KLF18: variants seen among roughly 807,000 people sequenced by gnomAD.
The protein encoded by KLF18 is Kruppel-like factor 18.
At position 44,140,847 on chromosome 1, in the gene KLF18, C is replaced by G. The variant is rs1170151948; in HGVS notation, c.785G>C (p.Cys262Ser). The change falls in exon 1 of 2, where the codon TGT (cysteine) becomes TCT (serine). Residue 262 changes from cysteine (C) to serine (S), a missense_variant. Cys to Ser is a moderately radical substitution (Grantham distance 112). Transcript: ENST00000634670. ...MTTSTGNQTL[C>S]GEQMTTSTGN... ...AGTGGAGGTTGTCATCTGCTCTCCA[C>G]AGAGGGTCTGGTTACCAGTGGAGGT... The G allele has an allele frequency of 2.5e-6, 1 of 396,302 alleles. No homozygotes were observed. The allele number at this position is 396,302 out of a possible 1,614,324, so 24.5% of individuals were successfully genotyped here. A position where few individuals can be genotyped will look rare whatever the true frequency, so the allele number is the denominator to read the frequency against.
rs1001180867 is a variant in KLF18, at chr1:44,137,901, A to C, written c.3079T>G (p.Ser1027Ala). The C allele has an allele frequency of 7.5e-6, 3 of 398,468 alleles. No homozygotes were observed. Among genetic ancestry groups the C allele is most frequent in the Non-Finnish European group, 1.3e-5 (3 of 226,098 alleles). The allele number at this position is 398,468 out of a possible 1,614,324, so 24.7% of individuals were successfully genotyped here. Residue 1027 changes from serine (S) to alanine (A), a missense_variant, in exon 2 of 2, where the codon TCA (serine) becomes GCA (alanine). By Grantham distance (99) the Ser-to-Ala change is moderately conservative. Coordinates refer to ENST00000634670, the MANE Select transcript of KLF18 (RefSeq NM_001358438.1). ...CTTGCAAAATTCTTGCTGCATATTGAACACAGGTAGGGCCTTTCCCCAGTG... is the reference window on the plus strand; with the variant it reads ...CTTGCAAAATTCTTGCTGCATATTGCACACAGGTAGGGCCTTTCCCCAGTG... ...RHTGERPYLC[S>A]ICSKNFARSD...
At position 44,140,918 on chromosome 1, in the gene KLF18, C is replaced by T. The variant is rs1283362578; in HGVS notation, c.714G>A (p.Met238Ile). The change falls in exon 1 of 2, where the codon ATG (methionine) becomes ATA (isoleucine). Residue 238 changes from methionine to isoleucine, a missense_variant. Coordinates refer to ENST00000634670, the MANE Select transcript of KLF18 (RefSeq NM_001358438.1). Reference protein sequence around the residue: ...IDNQTLCGEQMTTSSGNQAFY... With the variant: ...IDNQTLCGEQITTSSGNQAFY... ...AGGCCTGGTTACCACTGGAGGTCGTCATCTGCTCCCCACAGAGGGTCTGGT... is the reference window on the plus strand; with the variant it reads ...AGGCCTGGTTACCACTGGAGGTCGTTATCTGCTCCCCACAGAGGGTCTGGT... 2.5e-6 allele frequency: 1 copy of T among 396,312 alleles called. No homozygotes were observed. The highest frequency in any genetic ancestry group is 4.4e-5 in the Admixed American group (1 of 22,626). The allele number at this position is 396,312 out of a possible 1,614,324, so 24.5% of individuals were successfully genotyped here.
chr1:44,139,892 G>C lies in KLF18; in HGVS notation c.1740C>G (p.Asn580Lys). The C allele has an allele frequency of 2.6e-6, 1 of 382,268 alleles. No homozygotes were observed. Among genetic ancestry groups the C allele is most frequent in the Non-Finnish European group, 4.6e-6 (1 of 215,788 alleles). 23.7% of individuals were successfully genotyped at this position (382,268 alleles called of 1,614,324 possible). A position where few individuals can be genotyped will look rare whatever the true frequency, so the allele number is the denominator to read the frequency against. The change falls in exon 1 of 2, where the codon AAC (asparagine) becomes AAG (lysine). Residue 580 changes from asparagine to lysine, a missense_variant. By Grantham distance (94) the Asn-to-Lys change is moderately conservative. Coordinates refer to ENST00000634670, the MANE Select transcript of KLF18 (RefSeq NM_001358438.1). ...TCATCTGCTCTCCACAGAGGGTCTG[G>C]TTACTAGTGGAGGTCGTGATCTGCC... ...YGGQITTSTSNQTLCGEQMTT... is the reference protein window; with the variant it reads ...YGGQITTSTSKQTLCGEQMTT...
rs945547230 is a variant in KLF18 at position 44,139,527 on chromosome 1, G to T, written c.2105C>A (p.Thr702Asn). The change falls in exon 1 of 2, where the codon ACC becomes AAC. Residue 702 changes from threonine (T) to asparagine (N), a missense_variant. Thr to Asn is a moderately conservative substitution (Grantham distance 65). Transcript: ENST00000634670. ...NQTLCGEQTT[T>N]STSNQTLCGE... is the part of the protein sequence containing the mutation. ...ACAGAGGGTCTGGTTACTAGTGGAG[G>T]TCGTCGTCTGCTCTCCACAGAGGGT... The T allele has an allele frequency of 7.7e-6, 3 of 387,100 alleles. No homozygotes were observed. The highest frequency in any genetic ancestry group is 7.3e-5 in the East Asian group (2 of 27,246). The allele number at this position is 387,100 out of a possible 1,614,324, so 24.0% of individuals were successfully genotyped here.
Position 44,141,024 on chromosome 1 carries a change from C to T in KLF18, c.608G>A (p.Gly203Asp). The T allele has an allele frequency of 2.5e-6, 1 of 398,568 alleles. No homozygotes were observed. Among genetic ancestry groups the T allele is most frequent in the East Asian group, 3.6e-5 (1 of 28,040 alleles). The allele number at this position is 398,568 out of a possible 1,614,324, so 24.7% of individuals were successfully genotyped here. A position where few individuals can be genotyped will look rare whatever the true frequency, so the allele number is the denominator to read the frequency against. The stretch of plus-strand genomic sequence containing the variant: ...GCCCCCAGAGAGGGTCTCATCGCTA[C>T]CGGAAGTCACTGTATGACCATCAGT... ...TLTDGHTVTS[G>D]SDETLSGGQM... The change falls in exon 1 of 2, where the codon GGT becomes GAT. Residue 203 changes from glycine (G) to aspartate (D), a missense_variant. Physicochemically the swap from Gly to Asp is moderately conservative, Grantham distance 94. Transcript: ENST00000634670.
Position 44,137,992 on chromosome 1 carries a change from G to T in KLF18, c.2988C>A (p.Cys996Ter). 1 of 398,678 alleles carries T rather than the reference G, an allele frequency of 2.5e-6. No individual in the cohort carries two copies. Among genetic ancestry groups the T allele is most frequent in the Non-Finnish European group, 4.4e-6 (1 of 226,172 alleles). 24.7% of individuals were successfully genotyped at this position (398,678 alleles called of 1,614,324 possible). Residue 996 changes from cysteine to a stop codon, truncating the protein, a stop_gained, in exon 2 of 2, where the codon TGC (cysteine) becomes TGA (stop). Coordinates refer to ENST00000634670, the MANE Select transcript of KLF18 (RefSeq NM_001358438.1). LOFTEE classifies it low-confidence loss of function (END_TRUNC). ...RKHTGEKPYV[C>*]DVEGCTWKFA... ...ATTTCCACGTACATCCCTCTACATCGCATACATAGGGCTTCTCCCCTGGAC... is the reference window on the plus strand; with the variant it reads ...ATTTCCACGTACATCCCTCTACATCTCATACATAGGGCTTCTCCCCTGGAC...
Position 44,140,922 on chromosome 1 carries a change from T to G in KLF18, c.710A>C (p.Gln237Pro). Reference protein sequence around the residue: ...SIDNQTLCGEQMTTSSGNQAF... With the variant: ...SIDNQTLCGEPMTTSSGNQAF... ...CTGGTTACCACTGGAGGTCGTCATC[T>G]GCTCCCCACAGAGGGTCTGGTTATC... Residue 237 changes from glutamine (Q) to proline (P), a missense_variant, in exon 1 of 2, where the codon CAG becomes CCG. Coordinates refer to ENST00000634670, the MANE Select transcript of KLF18 (RefSeq NM_001358438.1). The G allele has an allele frequency of 2.5e-6, 1 of 396,472 alleles. No homozygotes were observed. Among genetic ancestry groups the G allele is most frequent in the Non-Finnish European group, 4.5e-6 (1 of 224,618 alleles). The allele number at this position is 396,472 out of a possible 1,614,324, so 24.6% of individuals were successfully genotyped here.
chr1:44,140,191 C>A lies in KLF18; in HGVS notation c.1441G>T (p.Gly481Cys). The A allele has an allele frequency of 2.6e-6, 1 of 383,656 alleles. No homozygotes were observed. Among genetic ancestry groups the A allele is most frequent in the Admixed American group, 5.0e-5 (1 of 19,926 alleles). The allele number at this position is 383,656 out of a possible 1,614,324, so 23.8% of individuals were successfully genotyped here. The change falls in exon 1 of 2, where the codon GGT becomes TGT. Residue 481 changes from glycine to cysteine, a missense_variant. Coordinates refer to ENST00000634670, the MANE Select transcript of KLF18 (RefSeq NM_001358438.1). ...TGCCCCCCGTAGAGGGCCTGGTTAC[C>A]AGTGGAGGTCGTCACCTGCTCCCCA... ...LCGEQVTTST[G>C]NQALYGGQMM... is the part of the protein sequence containing the mutation.
Position 44,139,418 on chromosome 1 carries a change from G to A in KLF18, c.2214C>T (p.Tyr738=), listed in dbSNP as rs1471768274. ...MMTSTGNQTL[Y]WGQMMTSTGN... ...CAGTGGAGGTCATCATCTGCCCCCA[G>A]TAGAGGGTCTGGTTACCAGTGGAGG... Residue 738 remains tyrosine, a synonymous_variant, in exon 1 of 2, where the codon TAC becomes TAT. Transcript: ENST00000634670. 420 of 237,158 alleles carry A rather than the reference G, an allele frequency of 1.8e-3. 1 individual carries two copies. Among genetic ancestry groups the A allele is most frequent in the Non-Finnish European group, 2.2e-3 (276 of 126,466 alleles). The allele number at this position is 237,158 out of a possible 1,614,324, so 14.7% of individuals were successfully genotyped here. A position where few individuals can be genotyped will look rare whatever the true frequency, so the allele number is the denominator to read the frequency against.
In KLF18 at chr1:44,140,783, G is replaced by A. The variant is rs1361581448; in HGVS notation, c.849C>T (p.Ser283=). The A allele has an allele frequency of 3.5e-5, 14 of 397,778 alleles. No homozygotes were observed. The highest frequency in any genetic ancestry group is 4.0e-5 in the Non-Finnish European group (9 of 225,952). The allele number at this position is 397,778 out of a possible 1,614,324, so 24.6% of individuals were successfully genotyped here. ...CTCCACAGAGGGTCTGGTTACTAGC[G>A]GAGGTCGTCATCTGCCCCCCATAGA... ...QALYGGQMTT[S]ASNQTLCGEQ... is the part of the protein sequence containing the mutation. Residue 283 remains serine (S), a synonymous_variant, in exon 1 of 2, where the codon TCC becomes TCT. Coordinates refer to ENST00000634670, the MANE Select transcript of KLF18 (RefSeq NM_001358438.1).
chr1:44,137,988 C>T lies in KLF18; in HGVS notation c.2992G>A (p.Val998Ile), dbSNP rs1405723364. The change falls in exon 2 of 2, where the codon GTA becomes ATA. Residue 998 changes from valine (V) to isoleucine (I), a missense_variant. Val to Ile is a conservative substitution (Grantham distance 29). Transcript: ENST00000634670. ...GCAAATTTCCACGTACATCCCTCTACATCGCATACATAGGGCTTCTCCCCT... is the reference window on the plus strand; with the variant it reads ...GCAAATTTCCACGTACATCCCTCTATATCGCATACATAGGGCTTCTCCCCT... ...HTGEKPYVCD[V>I]EGCTWKFARS... 4 of 398,700 alleles carry T rather than the reference C, an allele frequency of 1.0e-5. No homozygotes were observed. Among genetic ancestry groups the T allele is most frequent in the East Asian group, 7.1e-5 (2 of 28,100 alleles). 24.7% of individuals were successfully genotyped at this position (398,700 alleles called of 1,614,324 possible).
In KLF18 at chr1:44,141,108, A is replaced by G. The variant is rs1643236370; in HGVS notation, c.524T>C (p.Leu175Pro). 2.5e-6 allele frequency: 1 copy of G among 398,452 alleles called. No individual in the cohort carries two copies. Among genetic ancestry groups the G allele is most frequent in the East Asian group, 3.6e-5 (1 of 28,046 alleles). 24.7% of individuals were successfully genotyped at this position (398,452 alleles called of 1,614,324 possible). The change falls in exon 1 of 2, where the codon CTC becomes CCC. Residue 175 changes from leucine (L) to proline (P), a missense_variant. Leu to Pro is a moderately conservative substitution (Grantham distance 98, BLOSUM62 -3). Coordinates refer to ENST00000634670, the MANE Select transcript of KLF18 (RefSeq NM_001358438.1). ...PALLGDQMKT[L>P]SDNQTLCGDQ... ...CCCACAGAGAGTCTGGTTATCACTG[A>G]GGGTCTTCATCTGATCTCCAAGCAG... is the stretch of plus-strand genomic sequence containing the variant.
rs1017181066 is a variant in KLF18, at chr1:44,141,142, T to A, written c.490A>T (p.Ile164Leu). 2.5e-6 allele frequency: 1 copy of A among 398,658 alleles called. No homozygotes were observed. The highest frequency in any genetic ancestry group is 4.4e-6 in the Non-Finnish European group (1 of 226,138). 24.7% of individuals were successfully genotyped at this position (398,658 alleles called of 1,614,324 possible). The change falls in exon 1 of 2, where the codon ATA becomes TTA. Residue 164 changes from isoleucine to leucine, a missense_variant. Coordinates refer to ENST00000634670, the MANE Select transcript of KLF18 (RefSeq NM_001358438.1). ...SSDQTLNESQ[I>L]PALLGDQMKT... ...ATCTGATCTCCAAGCAGGGCTGGTA[T>A]CTGACTCTCATTGAGGGTCTGGTCA... is the stretch of plus-strand genomic sequence containing the variant.
In KLF18 at chr1:44,141,456, G is replaced by T. The variant is rs61745996; in HGVS notation, c.176C>A (p.Pro59His). The change falls in exon 1 of 2, where the codon CCT becomes CAT. Residue 59 changes from proline to histidine, a missense_variant. Coordinates refer to ENST00000634670, the MANE Select transcript of KLF18 (RefSeq NM_001358438.1). ...QHESTQSKTM[P>H]PLGSTMMTSA... ...AGTCATCATTGTGGACCCCAAGGGA[G>T]GCATCGTCTTGCTCTGGGTTGACTC... 2,916 of 398,628 alleles carry T rather than the reference G, an allele frequency of 7.3e-3. 82 individuals carry two copies. The highest frequency in any genetic ancestry group is 0.053 in the African/African-American group (2,560 of 48,700). The allele number at this position is 398,628 out of a possible 1,614,324, so 24.7% of individuals were successfully genotyped here. A position where few individuals can be genotyped will look rare whatever the true frequency, so the allele number is the denominator to read the frequency against.
At chr1:44,138,119 G>A (rs997977875) in intron 1 of KLF18, 108 bp from the exon 2 acceptor site, 1 of 397,508 alleles carries the variant, frequency 2.5e-6, no homozygotes, top group African/African-American at 2.1e-5. Context: ...GTGGGAGAGG[G>A]AGAGCCAGAA....
rs910183191 is a variant in KLF18 at position 44,139,506 on chromosome 1, A to G, written c.2126T>C (p.Leu709Pro). 3 of 385,730 alleles carry G rather than the reference A, an allele frequency of 7.8e-6. No individual in the cohort carries two copies. The highest frequency in any genetic ancestry group is 1.4e-5 in the Non-Finnish European group (3 of 220,872). 23.9% of individuals were successfully genotyped at this position (385,730 alleles called of 1,614,324 possible). A position where few individuals can be genotyped will look rare whatever the true frequency, so the allele number is the denominator to read the frequency against. The change falls in exon 1 of 2, where the codon CTC (leucine) becomes CCC (proline). Residue 709 changes from leucine (L) to proline (P), a missense_variant. Physicochemically the swap from Leu to Pro is moderately conservative, Grantham distance 98. Transcript: ENST00000634670. ...GGAGGTCGTCACCTGCTCCCCACAG[A>G]GGGTCTGGTTACTAGTGGAGGTCGT... ...QTTTSTSNQT[L>P]CGEQVTTSTG...
Position 44,141,575 on chromosome 1 carries a change from G to A in KLF18, c.57C>T (p.Leu19=), listed in dbSNP as rs964134693. Reference sequence around the variant, plus strand: ...CTGCCTGTTCTGTATGCCGCTCAGAGAGATGCTGGAAAAATTTCTCAATTT... The same window carrying A: ...CTGCCTGTTCTGTATGCCGCTCAGAAAGATGCTGGAAAAATTTCTCAATTT... ...IEEIEKFFQH[L]SERHTEQAET... Residue 19 remains leucine, a synonymous_variant, in exon 1 of 2, where the codon CTC becomes CTT. Coordinates refer to ENST00000634670, the MANE Select transcript of KLF18 (RefSeq NM_001358438.1). The A allele has an allele frequency of 2.5e-6, 1 of 398,506 alleles. No individual in the cohort carries two copies. Among genetic ancestry groups the A allele is most frequent in the Non-Finnish European group, 4.4e-6 (1 of 226,110 alleles). The allele number at this position is 398,506 out of a possible 1,614,324, so 24.7% of individuals were successfully genotyped here.
In KLF18 at chr1:44,139,616, C is replaced by T. The variant is rs1643213814; in HGVS notation, c.2016G>A (p.Met672Ile). 2.5e-6 allele frequency: 1 copy of T among 397,116 alleles called. No individual in the cohort carries two copies. Among genetic ancestry groups the T allele is most frequent in the Non-Finnish European group, 4.4e-6 (1 of 226,002 alleles). The allele number at this position is 397,116 out of a possible 1,614,324, so 24.6% of individuals were successfully genotyped here. A position where few individuals can be genotyped will look rare whatever the true frequency, so the allele number is the denominator to read the frequency against. Residue 672 changes from methionine (M) to isoleucine (I), a missense_variant, in exon 1 of 2, where the codon ATG becomes ATA. Met to Ile is a conservative substitution (Grantham distance 10). Transcript: ENST00000634670. ...TGNQALCGEQ[M>I]TTSTGNQALY... is the part of the protein sequence containing the mutation. ...GGGCCTGGTTACCAGTGGAGGTTGT[C>T]ATCTGCTCTCCACAGAGGGCCTGGT... is the stretch of plus-strand genomic sequence containing the variant.
Position 44,139,638 on chromosome 1 carries a change from T to C in KLF18, c.1994A>G (p.Gln665Arg), listed in dbSNP as rs1643214082. The change falls in exon 1 of 2, where the codon CAG becomes CGG. Residue 665 changes from glutamine (Q) to arginine (R), a missense_variant. Coordinates refer to ENST00000634670, the MANE Select transcript of KLF18 (RefSeq NM_001358438.1). ...EEQVMTSTGN[Q>R]ALCGEQMTTS... ...TGTCATCTGCTCTCCACAGAGGGCC[T>C]GGTTACCAGTGGAGGTCATCACCTG... 2.5e-6 allele frequency: 1 copy of C among 397,642 alleles called. No individual in the cohort carries two copies. The highest frequency in any genetic ancestry group is 4.4e-6 in the Non-Finnish European group (1 of 226,192). 24.6% of individuals were successfully genotyped at this position (397,642 alleles called of 1,614,324 possible).
Sources: allele counts gnomAD v4.1 joint callset, GRCh38; gene constraint gnomAD v4.1.1; transcripts MANE v1.5; gene names NCBI Gene and HGNC (gene_info 2026-07-23, HGNC 2026-07-21).